EMCN: variants seen among roughly 807,000 people sequenced by gnomAD.
EMCN encodes the protein MUC-14.
EMCN carries 37 observed loss-of-function variants against 38.4 expected under a neutral mutation model. That is an observed-to-expected ratio of 0.96 (90% confidence interval 0.74 to 1.27). EMCN has a LOEUF of 1.27. Among genes scored for constraint, EMCN ranks in the 50% most tolerant of loss-of-function variants. The probability of loss-of-function intolerance (pLI) is 0.00; values close to 1 mark genes in which losing one functional copy is unlikely to be tolerated. For missense variants in EMCN, 318 were observed against 302.8 expected, an observed-to-expected ratio of 1.05 and a Z score of -0.37; for synonymous variants, 95 against 100.8, an observed-to-expected ratio of 0.94 and a Z score of 0.35.
chr4:100,507,873 G>GT (rs1270219542), intron 1 of EMCN, among the ~76,000 whole-genome samples: 1 of 152,070 alleles, frequency 6.6e-6, no homozygotes, highest in Non-Finnish European at 1.5e-5. Flanking sequence ...TGAAAAACAT[G>GT]TTTTTTTGTT....
chr4:100,490,292 A>G (rs1421452073), intron 1 of EMCN, among the ~76,000 whole-genome samples: 7 of 152,308 alleles, frequency 4.6e-5, no homozygotes, highest in Middle Eastern at 3.4e-3. Context: ...TGTTATTACA[A>G]AAGACTCAAA....
rs574289395 is a variant in EMCN at position 100,469,128 on chromosome 4, T to C, written c.260-3589A>G. On this transcript the variant is annotated intron_variant, in intron 3 of 11. Transcript: ENST00000296420. The stretch of plus-strand genomic sequence containing the variant: ...CAACAAGGGCACCAAGAGGTTACTA[T>C]AAAGAAAGGATAGTCTCTTCAATAC... Among the ~76,000 whole-genome samples the C allele has an allele frequency of 1.2e-4, 19 of 152,210 alleles. No individual in the cohort carries two copies. The South Asian group carries it at 3.7e-3, about 30-fold the overall frequency.
intron 1 of EMCN, among the ~76,000 whole-genome samples, chr4:100,489,019 A>T (rs1019777115): frequency 1.3e-5 from 2 of 152,216 alleles, no homozygotes; most frequent in African/African-American, 4.8e-5. Flanking sequence ...GATTCTAATA[A>T]CAATTTTGTG....
rs529375606 is a variant in EMCN, at chr4:100,397,912, G to A, written c.*501C>T. The A allele has an allele frequency of 6.6e-6, 1 of 152,132 alleles. No individual in the cohort carries two copies. The highest frequency in any genetic ancestry group is 1.9e-4 in the East Asian group (1 of 5,164). 9.4% of individuals were successfully genotyped at this position (152,132 alleles called of 1,614,324 possible). A position where few individuals can be genotyped will look rare whatever the true frequency, so the allele number is the denominator to read the frequency against. On this transcript the variant is annotated 3_prime_UTR_variant, in exon 12 of 12. Transcript: ENST00000296420. ...TTATATGTACAAAGTAGCATGGTATGATTTCTACCTAATATTTAATAATAC... is the reference window on the plus strand; with the variant it reads ...TTATATGTACAAAGTAGCATGGTATAATTTCTACCTAATATTTAATAATAC...
intron 4 of EMCN, among the ~76,000 whole-genome samples, chr4:100,461,315 CT>C (rs570211288): frequency 6.6e-6 from 1 of 151,800 alleles, no homozygotes; most frequent in Non-Finnish European, 1.5e-5. Context: ...TCACCACTTG[CT>C]TTTTTTTACT....
chr4:100,471,860 C>A (rs78163846), intron 3 of EMCN, among the ~76,000 whole-genome samples: 2,034 of 151,992 alleles, frequency 0.013, 41 homozygotes, highest in African/African-American at 0.046. Flanking sequence ...TAAGACAAGG[C>A]ATTTTTAAAA....
At chr4:100,411,258 T>G (rs1400168635) in intron 10 of EMCN, among the ~76,000 whole-genome samples, 1 of 152,190 alleles carries the variant, frequency 6.6e-6, no homozygotes, top group East Asian at 1.9e-4. Context: ...ATGTTGGGCA[T>G]AGTTCTGCAG....
intron 5 of EMCN, among the ~76,000 whole-genome samples, chr4:100,434,053 G>A (rs1389492842): frequency 4.0e-5 from 6 of 151,732 alleles, no homozygotes; most frequent in African/African-American, 9.7e-5. Flanking sequence ...GATACAGAAC[G>A]AAAAAACCTT....
At chr4:100,487,968 G>C (rs1364326253) in intron 1 of EMCN, among the ~76,000 whole-genome samples, 1 of 152,160 alleles carries the variant, frequency 6.6e-6, no homozygotes, top group African/African-American at 2.4e-5. Flanking sequence ...TTGGAGACAA[G>C]GAGAGTCTCA....
At chr4:100,415,845 G>A in intron 10 of EMCN, 53 bp downstream of exon 10, 4 of 1,249,374 alleles carry the variant, frequency 3.2e-6, no homozygotes, top group Non-Finnish European at 4.5e-6. Flanking sequence ...CAAGGTTATA[G>A]TTAGATTCTA....
At chr4:100,473,021 A>ATAT (rs374118475) in intron 3 of EMCN, among the ~76,000 whole-genome samples, 8 of 124,290 alleles carry the variant, frequency 6.4e-5, no homozygotes, top group South Asian at 5.3e-4. Flanking sequence ...ATATATATAT[A>ATAT]TTTTTTTTTT....
At chr4:100,493,374 A>G (rs887471085) in intron 1 of EMCN, among the ~76,000 whole-genome samples, 2 of 152,350 alleles carry the variant, frequency 1.3e-5, no homozygotes, top group Non-Finnish European at 2.9e-5. Flanking sequence ...ATTGCAGAAT[A>G]GAAAAAAGAA....
chr4:100,441,838 T>C (rs1244102957), intron 5 of EMCN, among the ~76,000 whole-genome samples: 1 of 152,198 alleles, frequency 6.6e-6, no homozygotes, highest in African/African-American at 2.4e-5. Flanking sequence ...ATTGTATATT[T>C]ATTAACAACT....
chr4:100,506,724 G>A (rs529555183), intron 1 of EMCN, among the ~76,000 whole-genome samples: 2 of 152,254 alleles, frequency 1.3e-5, no homozygotes, highest in South Asian at 4.1e-4. Flanking sequence ...AAACAACACA[G>A]ACATTCAAGT....
intron 1 of EMCN, among the ~76,000 whole-genome samples, chr4:100,490,955 A>T (rs1328088008): frequency 2.0e-5 from 3 of 152,034 alleles, no homozygotes; most frequent in African/African-American, 7.2e-5. Context: ...TTGGCCATTT[A>T]TATGTTTTTA....
intron 4 of EMCN, among the ~76,000 whole-genome samples, chr4:100,460,278 T>G (rs1728142851): frequency 6.6e-6 from 1 of 152,202 alleles, no homozygotes; most frequent in Admixed American, 6.5e-5. Flanking sequence ...GGGTTATTTG[T>G]TTCTTTGCTA....
At chr4:100,467,514 T>C (rs1728351107) in intron 3 of EMCN, among the ~76,000 whole-genome samples, 1 of 151,088 alleles carries the variant, frequency 6.6e-6, no homozygotes. Context: ...CCGTCTCTAC[T>C]AAAAATACAA....
intron 10 of EMCN, among the ~76,000 whole-genome samples, chr4:100,410,720 T>C (rs1034732963): frequency 6.6e-6 from 1 of 152,132 alleles, no homozygotes. Context: ...ATGTCATGTG[T>C]TTAAAGTGCC....
At chr4:100,438,540 A>AT (rs762951627) in intron 5 of EMCN, among the ~76,000 whole-genome samples, 23 of 150,802 alleles carry the variant, frequency 1.5e-4, no homozygotes, top group Middle Eastern at 3.4e-3. Context: ...GCAAGTGGAG[A>AT]TTTTTTTTTC....
Sources: allele counts gnomAD v4.1 joint callset (sites outside exome capture counted in the v4.1 genomes callset), GRCh38; gene constraint gnomAD v4.1.1; transcripts MANE v1.5; gene names NCBI Gene and HGNC (gene_info 2026-07-23, HGNC 2026-07-21).